Variants in CDC42BPA observed in about 807,000 individuals in gnomAD.
CDC42BPA encodes CDC42 binding protein kinase alpha.
CDC42BPA carries 80 observed loss-of-function variants against 223.5 expected under a neutral mutation model. The ratio of observed to expected loss-of-function variants is 0.36; its 90% CI spans 0.30 to 0.43. The LOEUF is 0.43. CDC42BPA is among the 20% of genes least tolerant of loss of function. The pLI is 1.00. For missense variants in CDC42BPA, 1,743 were observed against 2,099.9 expected, an observed-to-expected ratio of 0.83 and a Z score of 3.32; for synonymous variants, 694 against 718.6, an observed-to-expected ratio of 0.97 and a Z score of 0.55.
intron 3 of CDC42BPA, among the ~76,000 whole-genome samples, chr1:227,203,585 C>T (rs1672170707): frequency 1.3e-5 from 2 of 152,022 alleles, no homozygotes; most frequent in South Asian, 2.1e-4. Flanking sequence ...ACAATATCTC[C>T]CCCCTTTAAA....
At chr1:227,200,685 T>C (rs1415866155) in intron 3 of CDC42BPA, among the ~76,000 whole-genome samples, 1 of 152,140 alleles carries the variant, frequency 6.6e-6, no homozygotes, top group Non-Finnish European at 1.5e-5. Flanking sequence ...TAAACATATT[T>C]GTACAAATGT....
intron 3 of CDC42BPA, among the ~76,000 whole-genome samples, chr1:227,204,986 C>T (rs1672404127): frequency 1.3e-5 from 2 of 151,910 alleles, no homozygotes; most frequent in Admixed American, 6.6e-5. Flanking sequence ...AGGCCGGGCA[C>T]AGTGGCTCGC....
intron 25 of CDC42BPA, among the ~76,000 whole-genome samples, 163 bp downstream of exon 25, chr1:227,035,308 G>GT (rs978755226): frequency 2.0e-5 from 3 of 151,934 alleles, no homozygotes; most frequent in South Asian, 2.1e-4. Flanking sequence ...TAAAAGCTAG[G>GT]TTTTTGTTTG....
At chr1:226,996,028 G>A (rs1273026112) in intron 35 of CDC42BPA, among the ~76,000 whole-genome samples, 3 of 152,286 alleles carry the variant, frequency 2.0e-5, no homozygotes, top group Middle Eastern at 3.4e-3. Flanking sequence ...ATACACAAGC[G>A]TTCATAAATA....
At chr1:226,999,527 G>A (rs1261209224) in intron 35 of CDC42BPA, among the ~76,000 whole-genome samples, 1 of 152,144 alleles carries the variant, frequency 6.6e-6, no homozygotes, top group Non-Finnish European at 1.5e-5. Flanking sequence ...CAACCATTGT[G>A]GAAGACAGTG....
chr1:227,123,844 A>G (rs534209574), intron 11 of CDC42BPA, among the ~76,000 whole-genome samples: 3 of 151,334 alleles, frequency 2.0e-5, no homozygotes, highest in African/African-American at 4.8e-5. Flanking sequence ...TAGGGAGGGG[A>G]GAGAGAGAGA....
At chr1:227,160,963 C>T (rs1326197031) in intron 5 of CDC42BPA, among the ~76,000 whole-genome samples, 1 of 152,112 alleles carries the variant, frequency 6.6e-6, no homozygotes, top group Admixed American at 6.5e-5. Context: ...GAAGAGTCAA[C>T]ATTACCTGAT....
intron 1 of CDC42BPA, among the ~76,000 whole-genome samples, chr1:227,276,452 G>A (rs4543764): frequency 0.095 from 14,480 of 151,696 alleles, 859 homozygotes; most frequent in Middle Eastern, 0.17. Flanking sequence ...GAGGGAGGTC[G>A]GGGGGCAGCC....
Position 227,222,502 on chromosome 1 carries a change from CAAA to C in CDC42BPA, c.271-9286_271-9284del, listed in dbSNP as rs2147874684. 2.0e-5 allele frequency among the ~76,000 whole-genome samples: 3 copies of C among 150,708 alleles called. No individual in the cohort carries two copies. The East Asian group carries it at 5.8e-4, about 29-fold the overall frequency. On this transcript the variant is annotated intron_variant, in intron 2 of 36. Transcript: ENST00000366766. ...GGACACAGCGAGACTCTGTCTCAAA[CAAA>C]GAAACAACAACAACAAAAAAACTAT...
chr1:227,120,623 T>C (rs1266511801), intron 11 of CDC42BPA, among the ~76,000 whole-genome samples: 2 of 152,184 alleles, frequency 1.3e-5, no homozygotes, highest in Non-Finnish European at 1.5e-5. Flanking sequence ...GAGGGGCTTT[T>C]AAGAAACAAC....
chr1:227,299,923 T>A (rs1365505470), intron 1 of CDC42BPA, among the ~76,000 whole-genome samples: 1 of 152,178 alleles, frequency 6.6e-6, no homozygotes, highest in Non-Finnish European at 1.5e-5. Context: ...AAGACGTCAT[T>A]CTCGTCCTCT....
chr1:227,081,458 T>C (rs538824898), intron 16 of CDC42BPA, among the ~76,000 whole-genome samples: 25 of 74,446 alleles, frequency 3.4e-4, no homozygotes, highest in East Asian at 1.8e-3. Flanking sequence ...CTCTCTCTCT[T>C]TTTTTTTTTT....
At chr1:227,051,808 A>G (rs1673574051) in intron 22 of CDC42BPA, 73 bp downstream of exon 22, 1 of 813,328 alleles carries the variant, frequency 1.2e-6, no homozygotes, top group East Asian at 5.1e-5. Flanking sequence ...AGAGAGACAG[A>G]CTTGTTTTAT....
At chr1:227,097,583 C>G (rs898682957) in intron 15 of CDC42BPA, among the ~76,000 whole-genome samples, 2 of 152,166 alleles carry the variant, frequency 1.3e-5, no homozygotes, top group Non-Finnish European at 1.5e-5. Flanking sequence ...CAGGAAAAGG[C>G]AGTCTACCAC....
chr1:227,245,292 T>TC (rs1225367007), intron 2 of CDC42BPA, among the ~76,000 whole-genome samples: 13 of 105,430 alleles, frequency 1.2e-4, no homozygotes, highest in Non-Finnish European at 2.0e-4. Flanking sequence ...ATCTTTTTTT[T>TC]TTTTTTTTTT....
At chr1:227,096,199 G>A (rs1683965901) in intron 15 of CDC42BPA, among the ~76,000 whole-genome samples, 1 of 152,142 alleles carries the variant, frequency 6.6e-6, no homozygotes, top group Non-Finnish European at 1.5e-5. Flanking sequence ...ATAGACAGAT[G>A]TTAAATTTAG....
At chr1:227,004,901 G>T in intron 35 of CDC42BPA, 93 bp downstream of exon 35, 1 of 869,820 alleles carries the variant, frequency 1.1e-6, no homozygotes, top group South Asian at 1.3e-5. Flanking sequence ...ATGGGCACAC[G>T]TAAGTGAAGG....
intron 34 of CDC42BPA, chr1:227,011,135 G>A: frequency 1.2e-6 from 1 of 815,428 alleles, no homozygotes; most frequent in Non-Finnish European, 1.7e-6. Context: ...CACAAAACAT[G>A]CACACAGAAC....
At chr1:227,276,309 T>C (rs899263265) in intron 1 of CDC42BPA, among the ~76,000 whole-genome samples, 2 of 134,600 alleles carry the variant, frequency 1.5e-5, no homozygotes, top group South Asian at 2.5e-4. Flanking sequence ...GTCTGGGAGG[T>C]GAGGAGCGTG....
Sources: gnomAD v4.1 joint callset for allele counts (sites outside exome capture counted in the v4.1 genomes callset) on GRCh38, gnomAD v4.1.1 for gene constraint, MANE v1.5 for transcripts, NCBI Gene and HGNC (gene_info 2026-07-23, HGNC 2026-07-21) for gene names.